PHACTR2: variants seen among roughly 807,000 people sequenced by gnomAD.
PHACTR2 encodes the protein chromosome 6 open reading frame 56.
Under a neutral mutation model 76.0 loss-of-function variants are expected in PHACTR2, and 30 were observed. That is an observed-to-expected ratio of 0.39 (90% CI 0.30 to 0.54). The LOEUF is 0.54. Among genes scored for constraint, PHACTR2 ranks in the 20% least tolerant of loss-of-function variants. PHACTR2 has a pLI of 0.61. For missense variants in PHACTR2, 696 were observed against 781.1 expected, an observed-to-expected ratio of 0.89 and a Z score of 1.30; for synonymous variants, 292 against 292.5, an observed-to-expected ratio of 1.00 and a Z score of 0.02.
Position 143,545,548 on chromosome 6 carries a change from G to A in PHACTR2, c.217+8341G>A, listed in dbSNP as rs1206300728. Among the ~76,000 whole-genome samples, 9 of 152,326 alleles carry A rather than the reference G, an allele frequency of 5.9e-5. No individual in the cohort carries two copies. The South Asian group carries it at 1.7e-3, about 28-fold the overall frequency. On this transcript the variant is annotated intron_variant, in intron 1 of 11. Coordinates refer to the PHACTR2 transcript ENST00000367584. ...CACACTCTATAGCAACCCTGTGAGAGAACAGTGTATCAGCTCCTTTTTTCA... is the reference window on the plus strand; with the variant it reads ...CACACTCTATAGCAACCCTGTGAGAAAACAGTGTATCAGCTCCTTTTTTCA...
rs1776554678 is a variant in PHACTR2 at position 143,641,063 on chromosome 6, T to C, written c.13+32741T>C. 6.6e-6 allele frequency among the ~76,000 whole-genome samples: 1 copy of C among 152,154 alleles called. No homozygotes were observed. The highest frequency in any genetic ancestry group is 1.5e-5 in the Non-Finnish European group (1 of 68,026). On this transcript the variant is annotated intron_variant, in intron 1 of 11. Transcript: ENST00000305766. The surrounding 1 kb of genome is among the most constrained non-coding windows in gnomAD (Gnocchi z 5.8). The stretch of plus-strand genomic sequence containing the variant: ...GGAGGTTGGTGGTCCACGATCAAGG[T>C]GCTGGCATCTGCTGAGGGCATTCTT...
upstream of PHACTR2, among the ~76,000 whole-genome samples, chr6:143,674,494 A>G (rs1299778772): frequency 1.3e-5 from 2 of 152,168 alleles, no homozygotes; most frequent in African/African-American, 4.8e-5. The surrounding 1 kb of genome is among the most constrained non-coding windows in gnomAD (Gnocchi z 4.9). Flanking sequence ...GGTCAAATCT[A>G]GAAATAAGGG....
rs999378868 is a variant in PHACTR2 at position 143,733,287 on chromosome 6, T to C, written c.215-15698T>C. Among the ~76,000 whole-genome samples, 5 of 152,228 alleles carry C rather than the reference T, an allele frequency of 3.3e-5. No homozygotes were observed. The highest frequency in any genetic ancestry group is 1.2e-4 in the African/African-American group (5 of 41,462). On this transcript the variant is annotated intron_variant, in intron 2 of 12. Coordinates refer to ENST00000440869, the MANE Select transcript of PHACTR2 (RefSeq NM_001100164.2). This position sits in a 1 kb window ranked among gnomAD's most constrained non-coding sequence, Gnocchi z 4.0. ...TATAAATTATTTCTATTGTTTGTTA[T>C]CTGACCCCACTTCCTAGTAGATTAT...
rs763817786 is a variant in PHACTR2 at position 143,793,085 on chromosome 6, T to A, written c.1845+4175T>A. On this transcript the variant is annotated intron_variant, in intron 11 of 12. Transcript: ENST00000440869. The surrounding 1 kb of genome is among the most constrained non-coding windows in gnomAD (Gnocchi z 4.4). ...AAATGCAAAACTTCAGAAAGGCAGG[T>A]AGGGCCAGATAAATGAGTAAAGATC... Among the ~76,000 whole-genome samples the A allele has an allele frequency of 6.6e-6, 1 of 152,114 alleles. No individual in the cohort carries two copies.
intron 1 of PHACTR2, among the ~76,000 whole-genome samples, chr6:143,693,272 C>G (rs974830998): frequency 3.3e-5 from 5 of 152,012 alleles, no homozygotes; most frequent in Non-Finnish European, 7.4e-5. Flanking sequence ...GAGTCTTACT[C>G]CATCACCCAG....
intron 1 of PHACTR2, among the ~76,000 whole-genome samples, chr6:143,572,496 C>G (rs1032828412): frequency 3.9e-5 from 6 of 152,172 alleles, no homozygotes; most frequent in South Asian, 2.1e-4. Context: ...GATTCATACT[C>G]AAACACTAAC....
chr6:143,827,158 ATATATATATATATATATAT>A lies in PHACTR2; in HGVS notation c.*3470_*3488del, dbSNP rs1776553488. Reference sequence around the variant, plus strand: ...CTGCGTTGGCATTAAAAAAGAAAATATATATATATATATATATATATATATATATATATATATATATGTA... The same window carrying A: ...CTGCGTTGGCATTAAAAAAGAAAATAATATATATATATATATATATATGTA... On this transcript the variant is annotated 3_prime_UTR_variant, in exon 13 of 13. Coordinates refer to ENST00000440869, the MANE Select transcript of PHACTR2 (RefSeq NM_001100164.2). The A allele has an allele frequency of 4.4e-4, 15 of 33,806 alleles. No homozygotes were observed. Among genetic ancestry groups the A allele is most frequent in the African/African-American group, 1.7e-3 (14 of 8,170 alleles). The allele number at this position is 33,806 out of a possible 1,614,324, so 2.1% of individuals were successfully genotyped here.
In PHACTR2 at chr6:143,627,986, TTCTATC is replaced by T. The variant is rs2128441393; in HGVS notation, c.13+19670_13+19675del. ...AGACTCTTGCAAACACCAGTCTGCTTTCTATCTCTATTGATTTACCTATTTGGGATA... is the reference window on the plus strand; with the variant it reads ...AGACTCTTGCAAACACCAGTCTGCTTTCTATTGATTTACCTATTTGGGATA... On this transcript the variant is annotated intron_variant, in intron 1 of 11. Coordinates refer to the PHACTR2 transcript ENST00000305766. This position sits in a 1 kb window ranked among gnomAD's most constrained non-coding sequence, Gnocchi z 4.3. Among the ~76,000 whole-genome samples the T allele has an allele frequency of 6.6e-6, 1 of 152,342 alleles. No individual in the cohort carries two copies. The highest frequency in any genetic ancestry group is 1.9e-4 in the East Asian group (1 of 5,178).
At position 143,722,140 on chromosome 6, in the gene PHACTR2, T is replaced by A. The variant is rs1008604619; in HGVS notation, c.214+9957T>A. ...GAAAACTCTCTATCACTTTTCTGCT[T>A]ATTTAATGTTCTCTTTGTGGAAAAT... On this transcript the variant is annotated intron_variant, in intron 2 of 12. Transcript: ENST00000440869. This position sits in a 1 kb window ranked among gnomAD's most constrained non-coding sequence, Gnocchi z 4.1. Among the ~76,000 whole-genome samples, 2 of 152,210 alleles carry A rather than the reference T, an allele frequency of 1.3e-5. No individual in the cohort carries two copies. Among genetic ancestry groups the A allele is most frequent in the Non-Finnish European group, 2.9e-5 (2 of 68,030 alleles).
intron 1 of PHACTR2, among the ~76,000 whole-genome samples, chr6:143,575,066 A>G (rs1424605506): frequency 1.3e-5 from 2 of 152,238 alleles, no homozygotes; most frequent in Admixed American, 6.5e-5. Flanking sequence ...TAATTAAGAG[A>G]TGATAAACAA....
intron 1 of PHACTR2, among the ~76,000 whole-genome samples, chr6:143,699,382 C>T (rs2128458010): frequency 6.6e-6 from 1 of 152,286 alleles, no homozygotes; most frequent in Non-Finnish European, 1.5e-5. Context: ...AAACAGCAAA[C>T]AAAACCTTTT....
intron 1 of PHACTR2, among the ~76,000 whole-genome samples, chr6:143,620,871 G>A (rs1038835305): frequency 6.6e-6 from 1 of 152,216 alleles, no homozygotes; most frequent in Non-Finnish European, 1.5e-5. Flanking sequence ...CTGGAGGACA[G>A]GCTTTGGTCA....
rs1359909057 is a variant in PHACTR2 at position 143,722,067 on chromosome 6, G to T, written c.214+9884G>T. Among the ~76,000 whole-genome samples the T allele has an allele frequency of 6.6e-6, 1 of 152,178 alleles. No homozygotes were observed. The highest frequency in any genetic ancestry group is 2.4e-5 in the African/African-American group (1 of 41,434). ...ATCTTACTTAAAGAGGAATTTACCA[G>T]TAAGAATTAAGCATCTTGTAAATGT... On this transcript the variant is annotated intron_variant, in intron 2 of 12. Transcript: ENST00000440869. The surrounding 1 kb of genome is among the most constrained non-coding windows in gnomAD (Gnocchi z 4.1).
rs1562250584 is a variant in PHACTR2 at position 143,621,576 on chromosome 6, C to A, written c.13+13254C>A. The stretch of plus-strand genomic sequence containing the variant: ...CTTTCTCAAATTGAACATACCCCAA[C>A]CCTTGAATAGTGTGGGATTGTGCAA... On this transcript the variant is annotated intron_variant, in intron 1 of 11. Coordinates refer to the PHACTR2 transcript ENST00000305766. This position sits in a 1 kb window ranked among gnomAD's most constrained non-coding sequence, Gnocchi z 4.1. Among the ~76,000 whole-genome samples, 1 of 152,164 alleles carries A rather than the reference C, an allele frequency of 6.6e-6. No homozygotes were observed. The highest frequency in any genetic ancestry group is 1.5e-5 in the Non-Finnish European group (1 of 68,026).
rs1775124871 is a variant in PHACTR2 at position 143,553,667 on chromosome 6, C to G, written c.217+16460C>G. 6.6e-6 allele frequency among the ~76,000 whole-genome samples: 1 copy of G among 152,172 alleles called. No homozygotes were observed. Among genetic ancestry groups the G allele is most frequent in the Admixed American group, 6.5e-5 (1 of 15,282 alleles). On this transcript the variant is annotated intron_variant, in intron 1 of 11. Coordinates refer to the PHACTR2 transcript ENST00000367584. This position sits in a 1 kb window ranked among gnomAD's most constrained non-coding sequence, Gnocchi z 4.2. ...CTGTATTCATGTTTTATTCGAGTCT[C>G]TATAGGCTGAGGTTGAGGCCTAGTT...
chr6:143,769,375 G>T (rs1250993116), intron 6 of PHACTR2, among the ~76,000 whole-genome samples: 1 of 151,810 alleles, frequency 6.6e-6, no homozygotes, highest in African/African-American at 2.4e-5. Flanking sequence ...AAAAATGAGG[G>T]GTAAGTCATG....
At chr6:143,569,978 A>T (rs1366072224) in intron 1 of PHACTR2, among the ~76,000 whole-genome samples, 1 of 152,228 alleles carries the variant, frequency 6.6e-6, no homozygotes, top group South Asian at 2.1e-4. Flanking sequence ...AGTTCACAGA[A>T]TTCGATTCAG....
At position 143,765,453 on chromosome 6, in the gene PHACTR2, C is replaced by T. The variant is rs1779538571; in HGVS notation, c.887C>T (p.Thr296Ile). The T allele has an allele frequency of 6.2e-7, 1 of 1,614,220 alleles. No homozygotes were observed. ...TCTCACCTGTCCTCAGACACAACAA[C>T]TTCTGGCACATCCGACCTGAAAGGA... The part of the protein sequence containing the change: ...ITSHLSSDTT[T>I]SGTSDLKGEP... Residue 296 changes from threonine (T) to isoleucine (I), a missense_variant, in exon 6 of 13, where the codon ACT becomes ATT. Thr to Ile is a moderately conservative substitution (Grantham distance 89). Transcript: ENST00000440869. This position sits in a 1 kb window ranked among gnomAD's most constrained non-coding sequence, Gnocchi z 4.1.
Position 143,585,923 on chromosome 6 carries a change from C to A in PHACTR2, c.217+48716C>A, listed in dbSNP as rs566355420. 1.6e-4 allele frequency among the ~76,000 whole-genome samples: 24 copies of A among 152,312 alleles called. No individual in the cohort carries two copies. The South Asian group carries it at 5.0e-3, about 32-fold the overall frequency. On this transcript the variant is annotated intron_variant, in intron 1 of 11. Coordinates refer to the PHACTR2 transcript ENST00000367584. The surrounding 1 kb of genome is among the most constrained non-coding windows in gnomAD (Gnocchi z 5.2). ...TTCATGGCAGGGACACATTATTTTT[C>A]TTCTTTGAAACAATCCATAAACTTT... is the stretch of plus-strand genomic sequence containing the variant.
Sources: gnomAD v4.1 joint callset for allele counts (sites outside exome capture counted in the v4.1 genomes callset) on GRCh38, gnomAD v4.1.1 for gene constraint, Gnocchi (gnomAD v3.1) non-coding constraint, MANE v1.5 for transcripts, NCBI Gene and HGNC (gene_info 2026-07-23, HGNC 2026-07-21) for gene names.